DOCK2: variants seen among roughly 807,000 people sequenced by gnomAD.
DOCK2 encodes dedicator of cytokinesis 2.
Under a neutral mutation model 248.9 loss-of-function variants are expected in DOCK2, and 87 were observed. That is an observed-to-expected ratio of 0.35 (90% CI 0.29 to 0.42). The LOEUF (loss-of-function observed/expected upper bound fraction) is 0.42, where lower values mean the gene tolerates loss of function less well. DOCK2 is among the 10% of genes least tolerant of loss of function. DOCK2 has a pLI of 1.00. For synonymous variants in DOCK2, 805 were observed against 821.6 expected (o/e 0.98, Z 0.35); for missense variants, 1,747 against 2,300.2 (o/e 0.76, Z 4.92).
intron 50 of DOCK2, 88 bp from the exon 51 acceptor site, chr5:170,081,754 T>TG: frequency 2.5e-5 from 33 of 1,298,676 alleles, no homozygotes; most frequent in Non-Finnish European, 2.9e-5. Context: ...GCTGGCTCTG[T>TG]CCCCCAGCCC....
chr5:169,702,269 C>T (rs757043851), intron 13 of DOCK2, 34 bp from the exon 14 acceptor site: 1 of 1,610,814 alleles, frequency 6.2e-7, no homozygotes, highest in East Asian at 2.2e-5. Context: ...CTGTAATCCA[C>T]ACTAACTCTT....
intron 25 of DOCK2, among the ~76,000 whole-genome samples, chr5:169,783,680 TA>T (rs1210637634): frequency 2.6e-5 from 4 of 152,040 alleles, no homozygotes; most frequent in African/African-American, 9.7e-5. Flanking sequence ...AATATCAAGA[TA>T]GAAAAAAAGC....
Position 169,699,582 on chromosome 5 carries a change from A to C in DOCK2, c.1132+124A>C, listed in dbSNP as rs562294476. On this transcript the variant is annotated intron_variant, in intron 12 of 51. Coordinates refer to ENST00000520908, the MANE Select transcript of DOCK2 (RefSeq NM_004946.3). Reference sequence around the variant, plus strand: ...CTTTCCTTCCAGACAGACCACTGGGAAGAATGGGAACATATGATCTACAGG... The same window carrying C: ...CTTTCCTTCCAGACAGACCACTGGGCAGAATGGGAACATATGATCTACAGG... 2.0e-4 allele frequency: 187 copies of C among 918,074 alleles called. No individual in the cohort carries two copies. In the African/African-American group the frequency reaches 2.8e-3, roughly 14 times the overall value. 56.9% of individuals were successfully genotyped at this position (918,074 alleles called of 1,614,324 possible).
chr5:169,643,288 A>G (rs1297698082), intron 1 of DOCK2, among the ~76,000 whole-genome samples: 1 of 152,146 alleles, frequency 6.6e-6, no homozygotes, highest in African/African-American at 2.4e-5. Context: ...TGGAGAAAGT[A>G]TGACCGCCAA....
At chr5:169,778,390 G>A (rs1003469200) in intron 25 of DOCK2, among the ~76,000 whole-genome samples, 16 of 152,198 alleles carry the variant, frequency 1.1e-4, no homozygotes, top group African/African-American at 3.9e-4. Flanking sequence ...ATAAATATTG[G>A]TTGGGCTGCA....
At chr5:169,713,415 C>A (rs1462883807) in intron 17 of DOCK2, among the ~76,000 whole-genome samples, 1 of 152,112 alleles carries the variant, frequency 6.6e-6, no homozygotes, top group East Asian at 1.9e-4. Context: ...TAATGCCTAC[C>A]TCTAGTCATT....
chr5:169,857,610 T>C (rs1770966663), intron 27 of DOCK2, among the ~76,000 whole-genome samples: 1 of 152,052 alleles, frequency 6.6e-6, no homozygotes, highest in African/African-American at 2.4e-5. Flanking sequence ...TGGCAGACCC[T>C]AATTTCTATA....
intron 30 of DOCK2, among the ~76,000 whole-genome samples, chr5:169,997,435 GC>G (rs1754678501): frequency 6.8e-6 from 1 of 147,044 alleles, no homozygotes; most frequent in Admixed American, 6.8e-5. Context: ...TGGGTGTCGG[GC>G]TGGGGGACGG....
intron 27 of DOCK2, among the ~76,000 whole-genome samples, chr5:169,862,318 A>G (rs551338153): frequency 6.6e-6 from 1 of 152,258 alleles, no homozygotes; most frequent in Non-Finnish European, 1.5e-5. Flanking sequence ...GGTTATTTAC[A>G]TTCTAGCATG....
intron 44 of DOCK2, among the ~76,000 whole-genome samples, chr5:170,061,175 C>A (rs1400225300): frequency 6.6e-6 from 1 of 152,224 alleles, no homozygotes; most frequent in African/African-American, 2.4e-5. Context: ...AATTCATTTT[C>A]TCTTCACAGC....
At chr5:169,872,684 G>A (rs997443962) in intron 27 of DOCK2, among the ~76,000 whole-genome samples, 3 of 152,058 alleles carry the variant, frequency 2.0e-5, no homozygotes, top group African/African-American at 7.2e-5. Context: ...CCTCAGAAAG[G>A]GTAGATCATC....
At chr5:169,968,331 G>A (rs1162284176) in intron 27 of DOCK2, among the ~76,000 whole-genome samples, 1 of 152,114 alleles carries the variant, frequency 6.6e-6, no homozygotes, top group African/African-American at 2.4e-5. Flanking sequence ...TAACCTCTTT[G>A]ATAGGAGTCC....
intron 8 of DOCK2, among the ~76,000 whole-genome samples, chr5:169,686,889 C>T (rs758351428): frequency 7.2e-5 from 11 of 152,118 alleles, no homozygotes; most frequent in Non-Finnish European, 1.5e-4. Flanking sequence ...AAGGCTTATG[C>T]CCAAAAATTG....
chr5:169,688,265 G>C (rs1460216689), intron 8 of DOCK2, among the ~76,000 whole-genome samples: 1 of 152,154 alleles, frequency 6.6e-6, no homozygotes, highest in Non-Finnish European at 1.5e-5. Flanking sequence ...GCTGTTTCCT[G>C]CCTCGTGGCC....
At chr5:169,758,876 A>G (rs1157392324) in intron 23 of DOCK2, among the ~76,000 whole-genome samples, 1 of 152,220 alleles carries the variant, frequency 6.6e-6, no homozygotes, top group African/African-American at 2.4e-5. Flanking sequence ...TTTTTACTTG[A>G]GTCTGATTGT....
At chr5:169,932,203 GC>G (rs956831938) in intron 27 of DOCK2, among the ~76,000 whole-genome samples, 1 of 152,068 alleles carries the variant, frequency 6.6e-6, no homozygotes. Context: ...AGCATCACCT[GC>G]ACACACACAC....
intron 22 of DOCK2, among the ~76,000 whole-genome samples, chr5:169,732,546 T>G (rs1022265942): frequency 6.6e-6 from 1 of 152,198 alleles, no homozygotes; most frequent in Non-Finnish European, 1.5e-5. Flanking sequence ...ATCAAATTCA[T>G]GATGTGCTCT....
chr5:169,850,372 C>T (rs759030431), intron 27 of DOCK2, among the ~76,000 whole-genome samples: 9 of 152,106 alleles, frequency 5.9e-5, no homozygotes, highest in Non-Finnish European at 1.0e-4. Flanking sequence ...TTAAGCAGCT[C>T]ACTGTATGTG....
chr5:169,881,234 A>G, intron 27 of DOCK2: 2 of 701,470 alleles, frequency 2.9e-6, no homozygotes, highest in South Asian at 3.6e-5. Context: ...CCTTGGAACC[A>G]GATGTTAACA....
Sources: gnomAD v4.1 joint callset for allele counts (sites outside exome capture counted in the v4.1 genomes callset) on GRCh38, gnomAD v4.1.1 for gene constraint, MANE v1.5 for transcripts, NCBI Gene and HGNC (gene_info 2026-07-23, HGNC 2026-07-21) for gene names.